The following KCNQ3 variants were observed in gnomAD, a reference collection of about 807,000 sequenced individuals.
The protein encoded by KCNQ3 is potassium voltage-gated channel subfamily Q member 3.
KCNQ3 carries 30 observed loss-of-function variants against 92.5 expected under a neutral mutation model. The ratio of observed to expected loss-of-function variants is 0.32; its 90% CI spans 0.24 to 0.44. KCNQ3 has a LOEUF of 0.44. KCNQ3 is among the 20% of genes least tolerant of loss of function. KCNQ3 has a pLI of 1.00. For synonymous variants in KCNQ3, 450 were observed against 468.8 expected (o/e 0.96, Z 0.52); for missense variants, 913 against 1,140.3 (o/e 0.80, Z 2.87).
intron 3 of KCNQ3, 63 bp from the exon 4 acceptor site, chr8:132,180,392 G>GC (rs1826720524): frequency 6.3e-7 from 1 of 1,578,084 alleles, no homozygotes; most frequent in East Asian, 2.2e-5. Context: ...GAAAGCAATG[G>GC]CGTCATCATA....
At chr8:132,266,440 C>T (rs796250090) in intron 1 of KCNQ3, among the ~76,000 whole-genome samples, 32 of 152,202 alleles carry the variant, frequency 2.1e-4, no homozygotes, top group East Asian at 5.8e-4. Context: ...GTTTTGCAGA[C>T]GGGAAAATGG....
intron 9 of KCNQ3, among the ~76,000 whole-genome samples, chr8:132,155,687 TCTA>T (rs1483145805): frequency 1.3e-5 from 2 of 152,178 alleles, no homozygotes; most frequent in Non-Finnish European, 1.5e-5. Context: ...TGGTTCCAAT[TCTA>T]CTATTGTGGC....
intron 1 of KCNQ3, among the ~76,000 whole-genome samples, chr8:132,469,156 A>G (rs1021138112): frequency 6.6e-6 from 1 of 152,204 alleles, no homozygotes; most frequent in Non-Finnish European, 1.5e-5. Flanking sequence ...GGAAGCTAAC[A>G]TCCCTATAGA....
intron 1 of KCNQ3, among the ~76,000 whole-genome samples, chr8:132,300,024 C>T (rs1817165669): frequency 6.6e-6 from 1 of 152,166 alleles, no homozygotes; most frequent in South Asian, 2.1e-4. Context: ...GTGTCTGATT[C>T]CCTGACTAGA....
rs185599140 is a variant in KCNQ3, at chr8:132,420,259, T to C, written c.386+59888A>G. Among the ~76,000 whole-genome samples, 24 of 152,232 alleles carry C rather than the reference T, an allele frequency of 1.6e-4. No individual in the cohort carries two copies. The East Asian group carries it at 3.5e-3, about 22-fold the overall frequency. ...GCCCCACCTCCTAATACTATCACAC[T>C]TGGAGTTAGGACTTCAACATATGAA... On this transcript the variant is annotated intron_variant, in intron 1 of 14. Coordinates refer to ENST00000388996, the MANE Select transcript of KCNQ3 (RefSeq NM_004519.4).
chr8:132,270,908 A>G (rs1816127953), intron 1 of KCNQ3, among the ~76,000 whole-genome samples: 1 of 152,218 alleles, frequency 6.6e-6, no homozygotes, highest in Admixed American at 6.5e-5. Context: ...CAAGTTCCAC[A>G]GGAGATTTGT....
intron 1 of KCNQ3, among the ~76,000 whole-genome samples, chr8:132,208,687 C>T (rs1813750367): frequency 6.6e-6 from 1 of 152,162 alleles, no homozygotes; most frequent in Non-Finnish European, 1.5e-5. Flanking sequence ...CGATACTGGA[C>T]TAGGTTGACT....
At position 132,174,364 on chromosome 8, in the gene KCNQ3, G is replaced by A. The variant is rs1229935257; in HGVS notation, c.934-15C>T. 6.6e-7 allele frequency: 1 copy of A among 1,519,542 alleles called. No individual in the cohort carries two copies. The highest frequency in any genetic ancestry group is 2.0e-5 in the Admixed American group (1 of 50,970). The allele number at this position is 1,519,542 out of a possible 1,614,324, so 94.1% of individuals were successfully genotyped here. Reference sequence around the variant, plus strand: ...GCCAGTGTGATCTGAAGAGAGAAGAGTTCAGACATGGAGTACCACATGGAG... The same window carrying A: ...GCCAGTGTGATCTGAAGAGAGAAGAATTCAGACATGGAGTACCACATGGAG... On this transcript the variant is annotated splice_polypyrimidine_tract_variant and intron_variant, in intron 5 of 14. Transcript: ENST00000388996.
chr8:132,286,096 T>C (rs138273657), intron 1 of KCNQ3, among the ~76,000 whole-genome samples: 1 of 152,230 alleles, frequency 6.6e-6, no homozygotes, highest in African/African-American at 2.4e-5. Context: ...AGGCAAAAAT[T>C]TGCTTCATGG....
At chr8:132,132,152 T>A in intron 14 of KCNQ3, 28 bp downstream of exon 14, 2 of 1,406,528 alleles carry the variant, frequency 1.4e-6, no homozygotes, top group Non-Finnish European at 2.0e-6. Context: ...ACAGATCCAG[T>A]TTTTGGTGAG....
At chr8:132,159,671 A>G (rs190836068) in intron 9 of KCNQ3, among the ~76,000 whole-genome samples, 20 of 152,272 alleles carry the variant, frequency 1.3e-4, no homozygotes, top group African/African-American at 4.6e-4. Flanking sequence ...AAAAAGAGAA[A>G]CAGAGATAAG....
chr8:132,284,137 A>C (rs1408596318), intron 1 of KCNQ3, among the ~76,000 whole-genome samples: 1 of 152,204 alleles, frequency 6.6e-6, no homozygotes, highest in Non-Finnish European at 1.5e-5. Context: ...TACATATGTA[A>C]CTAACCTGCA....
chr8:132,129,180 G>A lies in KCNQ3; in HGVS notation c.*82C>T, dbSNP rs749056630. On this transcript the variant is annotated 3_prime_UTR_variant, in exon 15 of 15. Coordinates refer to ENST00000388996, the MANE Select transcript of KCNQ3 (RefSeq NM_004519.4). The surrounding 1 kb of genome is among the most constrained non-coding windows in gnomAD (Gnocchi z 5.9). ...ATTTGATGCAGCCATTGGTGTCCCC[G>A]CTGGTAAGCGTCGGGTGTAAGAGTA... The A allele has an allele frequency of 2.7e-4, 407 of 1,533,980 alleles. 2 individuals carry two copies. Among genetic ancestry groups the A allele is most frequent in the Non-Finnish European group, 3.3e-4 (368 of 1,128,638 alleles).
intron 1 of KCNQ3, among the ~76,000 whole-genome samples, chr8:132,357,752 C>G (rs1451611476): frequency 6.6e-6 from 1 of 152,198 alleles, no homozygotes; most frequent in Non-Finnish European, 1.5e-5. Context: ...ACCCACAGGA[C>G]TACAAGACAA....
intron 1 of KCNQ3, among the ~76,000 whole-genome samples, chr8:132,297,456 A>T (rs7818112): frequency 2.6e-5 from 4 of 151,930 alleles, no homozygotes; most frequent in African/African-American, 9.7e-5. Flanking sequence ...ATTCTATTTA[A>T]AACTCTGATT....
intron 1 of KCNQ3, among the ~76,000 whole-genome samples, chr8:132,451,787 A>G (rs1821825962): frequency 6.6e-6 from 1 of 152,188 alleles, no homozygotes; most frequent in Admixed American, 6.5e-5. Context: ...AACTGATGAG[A>G]TGAGATCTGA....
intron 1 of KCNQ3, among the ~76,000 whole-genome samples, chr8:132,462,499 A>G (rs1822085497): frequency 6.6e-6 from 1 of 152,190 alleles, no homozygotes; most frequent in Admixed American, 6.5e-5. Flanking sequence ...TGAATTGTAC[A>G]CTTTTAAATG....
chr8:132,416,831 TG>T, intron 1 of KCNQ3, among the ~76,000 whole-genome samples: 1 of 152,180 alleles, frequency 6.6e-6, no homozygotes, highest in South Asian at 2.1e-4. Flanking sequence ...ACAGGAAGGC[TG>T]GGTAAGTGCA....
At position 132,184,241 on chromosome 8, in the gene KCNQ3, C is replaced by A. The variant is rs1586810171; in HGVS notation, c.604G>T (p.Asp202Tyr). ...KFARKPLCML[D>Y]IFVLIASVPV... ...TGGGAGGCTCAGGGTCAGGACTTACCCAACATGCACAGGGGCTTCCTGGCA... is the reference window on the plus strand; with the variant it reads ...TGGGAGGCTCAGGGTCAGGACTTACACAACATGCACAGGGGCTTCCTGGCA... Residue 202 changes from aspartate (D) to tyrosine (Y), a missense_variant and splice_region_variant, in exon 3 of 15, where the codon GAC (aspartate) becomes TAC (tyrosine). This residue lies in a region of KCNQ3 where 100 missense variants were observed against 217.6 expected (regional missense o/e 0.46). Transcript: ENST00000388996. The A allele has an allele frequency of 6.2e-7, 1 of 1,614,148 alleles. No individual in the cohort carries two copies.
Sources: gnomAD v4.1 joint callset for allele counts (sites outside exome capture counted in the v4.1 genomes callset) on GRCh38, gnomAD v4.1.1 for gene constraint, gnomAD v4.1.1 regional missense constraint, Gnocchi (gnomAD v3.1) non-coding constraint, MANE v1.5 for transcripts, NCBI Gene and HGNC (gene_info 2026-07-23, HGNC 2026-07-21) for gene names.